The following IQGAP1 variants were observed in gnomAD, a reference collection of about 807,000 sequenced individuals.
The protein encoded by IQGAP1 is IQ motif containing GTPase activating protein 1, also known as ras GTPase-activating-like protein IQGAP1.
IQGAP1 carries 66 observed loss-of-function variants against 215.6 expected under a neutral mutation model. The observed-to-expected ratio is 0.31, with a 90% CI of 0.25 to 0.38. The LOEUF (loss-of-function observed/expected upper bound fraction) is 0.38, where lower values mean the gene tolerates loss of function less well. IQGAP1 is among the 10% of genes least tolerant of loss of function. IQGAP1 has a pLI of 1.00. For synonymous variants in IQGAP1, 772 were observed against 728.7 expected (o/e 1.06, Z -0.96); for missense variants, 1,712 against 1,997.1 (o/e 0.86, Z 2.72).
At chr15:90,413,818 C>A (rs1452180086) in intron 2 of IQGAP1, among the ~76,000 whole-genome samples, 3 of 152,124 alleles carry the variant, frequency 2.0e-5, no homozygotes, top group Non-Finnish European at 2.9e-5. Context: ...TGTTGCTAAT[C>A]CTGCTTTATA....
intron 5 of IQGAP1, among the ~76,000 whole-genome samples, chr15:90,434,457 CATAATA>C (rs962890080): frequency 6.6e-6 from 1 of 151,390 alleles, no homozygotes; most frequent in African/African-American, 2.4e-5. Context: ...TAATAATAAT[CATAATA>C]ATAATAATAA....
intron 31 of IQGAP1, 131 bp downstream of exon 31, chr15:90,486,263 C>G (rs1275352066): frequency 1.5e-5 from 9 of 584,688 alleles, no homozygotes; most frequent in Non-Finnish European, 2.1e-5. Flanking sequence ...AGATGTGATC[C>G]TGATAGTTTC....
intron 13 of IQGAP1, among the ~76,000 whole-genome samples, 182 bp downstream of exon 13, chr15:90,453,474 A>G (rs1965636558): frequency 6.6e-6 from 1 of 152,216 alleles, no homozygotes; most frequent in African/African-American, 2.4e-5. Flanking sequence ...CCGTTCCTAA[A>G]TATATAAGTA....
At chr15:90,460,273 A>C (rs1965743227) in intron 15 of IQGAP1, among the ~76,000 whole-genome samples, 1 of 152,120 alleles carries the variant, frequency 6.6e-6, no homozygotes, top group African/African-American at 2.4e-5. Context: ...GCTTTATCAG[A>C]TCTTTTCTGA....
intron 4 of IQGAP1, 23 bp downstream of exon 4, chr15:90,429,689 T>TA (rs1331595224): frequency 6.7e-7 from 1 of 1,497,216 alleles, no homozygotes; most frequent in Non-Finnish European, 9.2e-7. Flanking sequence ...AGATAATAGT[T>TA]TAGGCTTTGT....
chr15:90,479,068 G>C (rs1201490349), intron 26 of IQGAP1, among the ~76,000 whole-genome samples: 1 of 152,176 alleles, frequency 6.6e-6, no homozygotes, highest in Non-Finnish European at 1.5e-5. Context: ...AGCATGGTCT[G>C]TTGTGGTTTT....
intron 18 of IQGAP1, among the ~76,000 whole-genome samples, chr15:90,472,450 T>C (rs1179303453): frequency 6.6e-6 from 1 of 152,174 alleles, no homozygotes; most frequent in African/African-American, 2.4e-5. Flanking sequence ...TGAGATGTCC[T>C]GCATTGTGAC....
chr15:90,429,021 T>A (rs962070145), intron 3 of IQGAP1, among the ~76,000 whole-genome samples: 1 of 151,932 alleles, frequency 6.6e-6, no homozygotes, highest in Non-Finnish European at 1.5e-5. Flanking sequence ...CCTGGCTAAT[T>A]TTTGTATTTT....
At chr15:90,414,310 C>T (rs1965012412) in intron 2 of IQGAP1, among the ~76,000 whole-genome samples, 1 of 151,976 alleles carries the variant, frequency 6.6e-6, no homozygotes, top group South Asian at 2.1e-4. Flanking sequence ...CATAGTGAAA[C>T]CTTGTCTCCA....
chr15:90,490,033 A>T (rs947061159), intron 33 of IQGAP1, among the ~76,000 whole-genome samples: 2 of 152,310 alleles, frequency 1.3e-5, no homozygotes, highest in South Asian at 4.1e-4. Context: ...TGTTTACATT[A>T]TGTGATGCAG....
chr15:90,466,427 C>T lies in IQGAP1; in HGVS notation c.2026C>T (p.Leu676=). ...SDLAEAKKKK[L]AVGDNNSKWV... ...TCTTGCTGAAGCCAAGAAGAAAAAACTGGCAGTAGGTGAGTTCTGGGATAA... is the reference window on the plus strand; with the variant it reads ...TCTTGCTGAAGCCAAGAAGAAAAAATTGGCAGTAGGTGAGTTCTGGGATAA... The change falls in exon 17 of 38, where the codon CTG becomes TTG. Residue 676 remains leucine, a synonymous_variant. Coordinates refer to ENST00000268182, the MANE Select transcript of IQGAP1 (RefSeq NM_003870.4). 1 of 1,614,090 alleles carries T rather than the reference C, an allele frequency of 6.2e-7. No homozygotes were observed. The highest frequency in any genetic ancestry group is 8.5e-7 in the Non-Finnish European group (1 of 1,180,006).
chr15:90,474,792 T>G, intron 23 of IQGAP1, 99 bp downstream of exon 23: 1 of 884,480 alleles, frequency 1.1e-6, no homozygotes, highest in Non-Finnish European at 1.8e-6. Context: ...AGGCTGACTT[T>G]CTCCTCAGCT....
chr15:90,394,156 A>G (rs1176500065), intron 2 of IQGAP1, among the ~76,000 whole-genome samples: 6 of 117,398 alleles, frequency 5.1e-5, no homozygotes, highest in Non-Finnish European at 1.1e-4. Flanking sequence ...AAAAAAAAAA[A>G]AGGCAGTGGA....
intron 2 of IQGAP1, among the ~76,000 whole-genome samples, chr15:90,422,546 C>T (rs1965152015): frequency 6.7e-6 from 1 of 148,508 alleles, no homozygotes; most frequent in Non-Finnish European, 1.5e-5. Context: ...TTAAAGTCTT[C>T]AGAAACTATA....
At chr15:90,438,501 C>T (rs1356180103) in intron 5 of IQGAP1, among the ~76,000 whole-genome samples, 1 of 151,896 alleles carries the variant, frequency 6.6e-6, no homozygotes, top group African/African-American at 2.4e-5. Context: ...TTTTCACCAA[C>T]CTGATAATTA....
chr15:90,462,002 A>AAAAAAAAAGAAAAAG (rs1965770284), intron 15 of IQGAP1, among the ~76,000 whole-genome samples: 2 of 143,416 alleles, frequency 1.4e-5, no homozygotes, highest in African/African-American at 5.1e-5. Flanking sequence ...AAAAAAAAGA[A>AAAAAAAAAGAAAAAG]AAAAAAAAAA....
intron 2 of IQGAP1, among the ~76,000 whole-genome samples, chr15:90,396,296 T>C (rs989935675): frequency 2.6e-5 from 4 of 152,008 alleles, no homozygotes; most frequent in African/African-American, 9.7e-5. Flanking sequence ...ATCATGAAAA[T>C]AGAAGTTAAG....
chr15:90,404,420 A>T (rs780966789), intron 2 of IQGAP1, among the ~76,000 whole-genome samples: 1 of 152,190 alleles, frequency 6.6e-6, no homozygotes, highest in Non-Finnish European at 1.5e-5. Context: ...GAGCATCTTT[A>T]CATGTGTTTA....
Position 90,466,046 on chromosome 15 carries a change from G to A in IQGAP1, c.1822G>A (p.Gly608Ser). 1.2e-6 allele frequency: 2 copies of A among 1,614,088 alleles called. No individual in the cohort carries two copies. The highest frequency in any genetic ancestry group is 2.2e-5 in the East Asian group (1 of 44,878). ...TGTGTTATGGTTGGATGAAATTCAA[G>A]GTGGAATCTGGCAGTCCAACAAAGA... ...SAVLWLDEIQ[G>S]GIWQSNKDTQ... Residue 608 changes from glycine (G) to serine (S), a missense_variant, in exon 16 of 38, where the codon GGT (glycine) becomes AGT (serine). By Grantham distance (56) the Gly-to-Ser change is moderately conservative (BLOSUM62 0). Around this residue, in one of 2 missense-constraint regions of IQGAP1, gnomAD observed 1,021 missense variants for 1,074.2 expected, o/e 0.95. Coordinates refer to ENST00000268182, the MANE Select transcript of IQGAP1 (RefSeq NM_003870.4).
Sources: allele counts gnomAD v4.1 joint callset (sites outside exome capture counted in the v4.1 genomes callset), GRCh38; gene constraint gnomAD v4.1.1; regional missense constraint gnomAD v4.1.1; transcripts MANE v1.5; gene names NCBI Gene and HGNC (gene_info 2026-07-23, HGNC 2026-07-21).